KIAA1958: variants seen among roughly 807,000 people sequenced by gnomAD.
KIAA1958 encodes the protein KIAA1958, also known as uncharacterized protein KIAA1958.
In KIAA1958, 14 loss-of-function variants were observed where a neutral mutation model predicts 47.2. The observed-to-expected ratio is 0.30, with a 90% CI of 0.20 to 0.46. KIAA1958 has a LOEUF of 0.46. Ranked by LOEUF, KIAA1958 falls within the 20% of genes least tolerant of loss-of-function variation. KIAA1958 has a pLI of 1.00. For synonymous variants in KIAA1958, 354 were observed against 353.3 expected (o/e 1.00, Z -0.02); for missense variants, 803 against 909.2 (o/e 0.88, Z 1.50).
At chr9:112,583,060 C>T (rs1835761363) in intron 2 of KIAA1958, among the ~76,000 whole-genome samples, 1 of 152,188 alleles carries the variant, frequency 6.6e-6, no homozygotes, top group Non-Finnish European at 1.5e-5. Flanking sequence ...ATTCAGGTTA[C>T]AGCCTACATT....
intron 3 of KIAA1958, among the ~76,000 whole-genome samples, chr9:112,646,849 G>T (rs1041740082): frequency 1.3e-5 from 2 of 152,208 alleles, no homozygotes; most frequent in African/African-American, 4.8e-5. Flanking sequence ...AGAACATAAA[G>T]GTACTGTATT....
chr9:112,574,009 G>A, intron 1 of KIAA1958, 48 bp from the exon 2 acceptor site: 1 of 985,522 alleles, frequency 1.0e-6, no homozygotes, highest in Non-Finnish European at 1.5e-6. Flanking sequence ...TGAGCTATAG[G>A]ATTATCTTGG....
chr9:112,594,818 A>T (rs1835991622), intron 2 of KIAA1958, among the ~76,000 whole-genome samples: 1 of 152,140 alleles, frequency 6.6e-6, no homozygotes, highest in South Asian at 2.1e-4. Context: ...TTGTTTTCCT[A>T]AGTGGTTGTG....
intron 1 of KIAA1958, among the ~76,000 whole-genome samples, chr9:112,502,462 G>A (rs1834158730): frequency 1.4e-5 from 1 of 69,440 alleles, no homozygotes; most frequent in Non-Finnish European, 3.0e-5. Context: ...AAGTCATGCT[G>A]AGCTTTAATG....
At chr9:112,645,109 T>A (rs1266111725) in intron 2 of KIAA1958, among the ~76,000 whole-genome samples, 1 of 148,574 alleles carries the variant, frequency 6.7e-6, no homozygotes, top group Non-Finnish European at 1.5e-5. Flanking sequence ...CACTCCAGCC[T>A]GGGCGATAAG....
chr9:112,516,802 A>G (rs1834444098), intron 1 of KIAA1958, among the ~76,000 whole-genome samples: 1 of 152,264 alleles, frequency 6.6e-6, no homozygotes, highest in Non-Finnish European at 1.5e-5. Context: ...TAATTGATTA[A>G]AGAATGATTT....
chr9:112,658,998 C>G (rs577418354), intron 3 of KIAA1958, among the ~76,000 whole-genome samples: 5 of 114,496 alleles, frequency 4.4e-5, no homozygotes, highest in Non-Finnish European at 6.5e-5. Flanking sequence ...CCAGCCTGGG[C>G]GACAGAGCAA....
chr9:112,633,430 G>A (rs1479557962), intron 2 of KIAA1958, among the ~76,000 whole-genome samples: 1 of 151,830 alleles, frequency 6.6e-6, no homozygotes, highest in Non-Finnish European at 1.5e-5. Flanking sequence ...TAATTTATTA[G>A]GTTTGCATAC....
intron 3 of KIAA1958, 22 bp downstream of exon 3, chr9:112,645,844 T>G: frequency 6.2e-7 from 1 of 1,605,764 alleles, no homozygotes. Context: ...TTGAGTTTAC[T>G]TCTTTCAGCC....
chr9:112,539,733 G>A (rs1009023618), intron 1 of KIAA1958, among the ~76,000 whole-genome samples: 1 of 151,974 alleles, frequency 6.6e-6, no homozygotes, highest in Non-Finnish European at 1.5e-5. Context: ...CTCTGTCACC[G>A]AGGCTGGAGT....
intron 2 of KIAA1958, among the ~76,000 whole-genome samples, chr9:112,594,628 A>C (rs2131193657): frequency 6.6e-6 from 1 of 152,356 alleles, no homozygotes; most frequent in African/African-American, 2.4e-5. Context: ...CCATTCAGGA[A>C]GTGATGGGTA....
chr9:112,535,756 T>C (rs1052768719), intron 1 of KIAA1958, among the ~76,000 whole-genome samples: 2 of 152,176 alleles, frequency 1.3e-5, no homozygotes, highest in African/African-American at 2.4e-5. Context: ...CTTTCATCCT[T>C]TTTGATGTAG....
chr9:112,526,858 C>A (rs556398025), intron 1 of KIAA1958, among the ~76,000 whole-genome samples: 2 of 152,300 alleles, frequency 1.3e-5, no homozygotes, highest in South Asian at 4.1e-4. Context: ...ATAGCAGTAT[C>A]TCTATTTATC....
At position 112,570,200 on chromosome 9, in the gene KIAA1958, T is replaced by C. The variant is rs78333626; in HGVS notation, c.-24-3857T>C. 5.3e-3 allele frequency among the ~76,000 whole-genome samples: 810 copies of C among 152,348 alleles called. 10 individuals are homozygous for C. Among genetic ancestry groups the C allele is most frequent in the African/African-American group, 0.019 (770 of 41,592 alleles). ...AATGTTGTTTGTTTGTTTTTTAACA[T>C]TGAAGAACCTCAGTATCAACAAGTA... On this transcript the variant is annotated intron_variant, in intron 1 of 3. Transcript: ENST00000337530.
At chr9:112,522,025 G>A (rs1834553704) in intron 1 of KIAA1958, among the ~76,000 whole-genome samples, 1 of 151,066 alleles carries the variant, frequency 6.6e-6, no homozygotes, top group Admixed American at 6.6e-5. Context: ...AGGCTGGAGT[G>A]CAGTGGTGCA....
chr9:112,613,439 C>T (rs1836360255), intron 2 of KIAA1958, among the ~76,000 whole-genome samples: 1 of 151,910 alleles, frequency 6.6e-6, no homozygotes, highest in Non-Finnish European at 1.5e-5. Flanking sequence ...AGCAAAATGT[C>T]TTCAACAGGA....
At chr9:112,556,400 T>G (rs1270182704) in intron 1 of KIAA1958, among the ~76,000 whole-genome samples, 1 of 152,236 alleles carries the variant, frequency 6.6e-6, no homozygotes, top group Non-Finnish European at 1.5e-5. Flanking sequence ...ACATGCCCTT[T>G]CATATTCACA....
At chr9:112,591,340 T>A (rs1835916616) in intron 2 of KIAA1958, among the ~76,000 whole-genome samples, 1 of 152,088 alleles carries the variant, frequency 6.6e-6, no homozygotes, top group Non-Finnish European at 1.5e-5. Context: ...CGTCTCGGCC[T>A]CCCACAGTGC....
chr9:112,501,392 A>C (rs780960872), intron 1 of KIAA1958, among the ~76,000 whole-genome samples: 1 of 152,156 alleles, frequency 6.6e-6, no homozygotes, highest in Non-Finnish European at 1.5e-5. Flanking sequence ...ATGGTGAGCT[A>C]TAATGGCGCC....
Sources: gnomAD v4.1 joint callset for allele counts (sites outside exome capture counted in the v4.1 genomes callset) on GRCh38, gnomAD v4.1.1 for gene constraint, MANE v1.5 for transcripts, NCBI Gene and HGNC (gene_info 2026-07-23, HGNC 2026-07-21) for gene names.